COL21A1: variants seen among roughly 807,000 people sequenced by gnomAD.
COL21A1 encodes the protein collagen type XXI alpha 1 chain, also known as collagen alpha-1(XXI) chain.
COL21A1 carries 149 observed loss-of-function variants against 137.9 expected under a neutral mutation model. The observed-to-expected ratio is 1.08, with a 90% CI of 0.95 to 1.24. The LOEUF (loss-of-function observed/expected upper bound fraction) is 1.24. Among genes scored for constraint, COL21A1 ranks in the 50% most tolerant of loss-of-function variants. COL21A1 has a pLI of 0.00. For missense variants in COL21A1, 1,167 were observed against 1,158.4 expected (o/e 1.01, Z -0.11); for synonymous variants, 456 against 391.5 (o/e 1.16, Z -1.95).
At chr6:56,072,341 T>A (rs1215167132) in intron 20 of COL21A1, among the ~76,000 whole-genome samples, 4 of 151,582 alleles carry the variant, frequency 2.6e-5, no homozygotes, top group Non-Finnish European at 4.4e-5. Flanking sequence ...CAGATTTTTT[T>A]AAAACCAAAA....
chr6:56,090,577 C>T (rs1326766507), intron 17 of COL21A1, among the ~76,000 whole-genome samples: 2 of 151,992 alleles, frequency 1.3e-5, no homozygotes, highest in Admixed American at 1.3e-4. Context: ...TTAGTCAATC[C>T]TACAGATAAA....
chr6:56,213,923 CA>C (rs573925872), intron 1 of COL21A1, among the ~76,000 whole-genome samples: 1 of 152,094 alleles, frequency 6.6e-6, no homozygotes, highest in East Asian at 1.9e-4. Context: ...TAGCTTAGAA[CA>C]ATTGTGACTG....
intron 1 of COL21A1, among the ~76,000 whole-genome samples, chr6:56,252,878 G>A (rs918644228): frequency 6.6e-6 from 1 of 152,102 alleles, no homozygotes; most frequent in African/African-American, 2.4e-5. Context: ...ATTTCCCTGG[G>A]GCTTTTTAGA....
intron 10 of COL21A1, among the ~76,000 whole-genome samples, chr6:56,153,972 C>T (rs1036247482): frequency 6.6e-6 from 1 of 152,194 alleles, no homozygotes; most frequent in African/African-American, 2.4e-5. Context: ...TGGCCACCTC[C>T]AACCTGTCCA....
chr6:56,346,621 A>G (rs1286821935), intron 1 of COL21A1, among the ~76,000 whole-genome samples: 1 of 152,172 alleles, frequency 6.6e-6, no homozygotes. Flanking sequence ...TCTCGTTCCT[A>G]CTTTCAATGA....
chr6:56,210,265 A>C (rs1337951073), intron 1 of COL21A1, among the ~76,000 whole-genome samples: 3 of 152,208 alleles, frequency 2.0e-5, no homozygotes, highest in Admixed American at 2.0e-4. Context: ...TAATAAAAAA[A>C]GAATAATTTA....
chr6:56,306,560 G>A (rs553026719), intron 1 of COL21A1, among the ~76,000 whole-genome samples: 26 of 151,506 alleles, frequency 1.7e-4, no homozygotes, highest in African/African-American at 5.3e-4. Flanking sequence ...TGTAGTTCTC[G>A]TGCCTTGGTT....
At chr6:56,181,762 T>A (rs970521147) in intron 2 of COL21A1, among the ~76,000 whole-genome samples, 1 of 152,208 alleles carries the variant, frequency 6.6e-6, no homozygotes, top group South Asian at 2.1e-4. Flanking sequence ...GTTCAAATAC[T>A]AGTTACTGCC....
chr6:56,245,601 T>C (rs1409943694), intron 1 of COL21A1, among the ~76,000 whole-genome samples: 2 of 152,184 alleles, frequency 1.3e-5, no homozygotes, highest in Non-Finnish European at 2.9e-5. Flanking sequence ...GAAGCATTAT[T>C]TAACTCTGAC....
At chr6:56,257,930 A>G (rs1307892493) in intron 1 of COL21A1, among the ~76,000 whole-genome samples, 3 of 152,160 alleles carry the variant, frequency 2.0e-5, no homozygotes, top group African/African-American at 7.2e-5. Context: ...CAGAAATTAT[A>G]CAGTGAGACA....
At chr6:56,199,356 G>C (rs190387713) in intron 1 of COL21A1, among the ~76,000 whole-genome samples, 2 of 151,908 alleles carry the variant, frequency 1.3e-5, no homozygotes, top group East Asian at 3.9e-4. Context: ...AGAAAAAGAA[G>C]AAATTATTTT....
chr6:56,290,959 C>T (rs981375755), intron 1 of COL21A1, among the ~76,000 whole-genome samples: 4 of 152,136 alleles, frequency 2.6e-5, no homozygotes, highest in East Asian at 3.9e-4. Flanking sequence ...TTCTCTACAC[C>T]TTTGAATAGC....
intron 1 of COL21A1, among the ~76,000 whole-genome samples, chr6:56,288,968 A>G (rs1470872780): frequency 1.3e-5 from 2 of 152,232 alleles, no homozygotes; most frequent in Non-Finnish European, 2.9e-5. Flanking sequence ...ACTTTATAAA[A>G]TGATACAAAC....
chr6:56,233,472 G>T (rs1781712764), intron 1 of COL21A1, among the ~76,000 whole-genome samples: 1 of 151,738 alleles, frequency 6.6e-6, no homozygotes, highest in South Asian at 2.1e-4. Context: ...AAATCAATTA[G>T]TATCTTAGAA....
chr6:56,264,900 AG>A (rs1216384190), intron 1 of COL21A1, among the ~76,000 whole-genome samples: 2 of 152,216 alleles, frequency 1.3e-5, no homozygotes, highest in African/African-American at 4.8e-5. Context: ...CCTGTTGCTC[AG>A]GAGTCTTCAT....
chr6:56,225,532 GC>G (rs1781131579), intron 1 of COL21A1, among the ~76,000 whole-genome samples: 1 of 151,984 alleles, frequency 6.6e-6, no homozygotes, highest in Non-Finnish European at 1.5e-5. Flanking sequence ...CTGGTATTTG[GC>G]TGCCTACAGG....
intron 12 of COL21A1, among the ~76,000 whole-genome samples, chr6:56,128,363 T>C (rs1773218569): frequency 6.6e-6 from 1 of 152,186 alleles, no homozygotes; most frequent in African/African-American, 2.4e-5. Flanking sequence ...ACTTTCTGTT[T>C]GTTGATCTTT....
At chr6:56,296,481 A>G (rs950033583) in intron 1 of COL21A1, among the ~76,000 whole-genome samples, 3 of 151,966 alleles carry the variant, frequency 2.0e-5, no homozygotes, top group African/African-American at 7.2e-5. Flanking sequence ...CATATCTATA[A>G]TGATACGTTT....
At chr6:56,379,460 A>G (rs1442892870) in intron 1 of COL21A1, among the ~76,000 whole-genome samples, 1 of 152,240 alleles carries the variant, frequency 6.6e-6, no homozygotes, top group Non-Finnish European at 1.5e-5. Context: ...TTATCATTAA[A>G]GACCCAGGGC....
Sources: allele counts gnomAD v4.1 joint callset (sites outside exome capture counted in the v4.1 genomes callset), GRCh38; gene constraint gnomAD v4.1.1; transcripts MANE v1.5; gene names NCBI Gene and HGNC (gene_info 2026-07-23, HGNC 2026-07-21).